The following KCNN3 variants were observed in gnomAD, a reference collection of about 807,000 sequenced individuals.
KCNN3 encodes small conductance calcium-activated potassium channel protein 3.
KCNN3 carries 16 observed loss-of-function variants against 62.9 expected under a neutral mutation model. The ratio of observed to expected loss-of-function variants is 0.25; its 90% confidence interval spans 0.17 to 0.39. KCNN3 has a LOEUF of 0.39. Ranked by LOEUF, KCNN3 falls within the 10% of genes least tolerant of loss-of-function variation. The probability of loss-of-function intolerance (pLI) is 1.00; values close to 1 mark genes in which losing one functional copy is unlikely to be tolerated. For synonymous variants in KCNN3, 370 were observed against 389.2 expected (o/e 0.95, Z 0.58); for missense variants, 599 against 949.4 (o/e 0.63, Z 4.85).
At chr1:154,804,514 T>G (rs1450569102) in intron 2 of KCNN3, among the ~76,000 whole-genome samples, 1 of 152,188 alleles carries the variant, frequency 6.6e-6, no homozygotes, top group African/African-American at 2.4e-5. Flanking sequence ...CCTATTTGAC[T>G]CCTTCCCTTC....
At chr1:154,813,164 G>T (rs1190557186) in intron 2 of KCNN3, among the ~76,000 whole-genome samples, 5 of 151,648 alleles carry the variant, frequency 3.3e-5, no homozygotes, top group African/African-American at 1.2e-4. Flanking sequence ...TGGGCAGAGG[G>T]TTGCTGGGGT....
At chr1:154,861,519 A>G (rs918309345) in intron 1 of KCNN3, among the ~76,000 whole-genome samples, 1 of 151,872 alleles carries the variant, frequency 6.6e-6, no homozygotes, top group South Asian at 2.1e-4. Context: ...TCTATTCCCT[A>G]CACACTCTGC....
intron 3 of KCNN3, among the ~76,000 whole-genome samples, chr1:154,740,934 G>T (rs1231739114): frequency 1.3e-5 from 2 of 152,032 alleles, no homozygotes; most frequent in African/African-American, 4.8e-5. Flanking sequence ...TGTGTGCCTT[G>T]CCTTTTTCTC....
At chr1:154,791,191 C>T (rs906403356) in intron 2 of KCNN3, among the ~76,000 whole-genome samples, 41 of 146,712 alleles carry the variant, frequency 2.8e-4, no homozygotes, top group African/African-American at 7.6e-4. Context: ...ATCGCACCAC[C>T]GCACTCCAGC....
At chr1:154,849,676 G>A (rs1453339664) in intron 1 of KCNN3, among the ~76,000 whole-genome samples, 1 of 152,226 alleles carries the variant, frequency 6.6e-6, no homozygotes, top group Non-Finnish European at 1.5e-5. Flanking sequence ...CTTGGGAAAG[G>A]GTGAGGGAAC....
In KCNN3 at chr1:154,708,091, T is replaced by A; in HGVS notation, c.2081A>T (p.Glu694Val). 6.2e-7 allele frequency: 1 copy of A among 1,613,916 alleles called. No individual in the cohort carries two copies. Among genetic ancestry groups the A allele is most frequent in the Non-Finnish European group, 8.5e-7 (1 of 1,179,924 alleles). ...CACTGCCACGCTGACACCCCGGGCC[T>A]CGATGATGGCAGACAGGAGCTGCTG... The part of the protein sequence containing the change: ...QQQQLLSAII[E>V]ARGVSVAVGT... The change falls in exon 8 of 8, where the codon GAG becomes GTG. Residue 694 changes from glutamate (E) to valine (V), a missense_variant. Coordinates refer to ENST00000271915, the MANE Select transcript of KCNN3 (RefSeq NM_002249.6).
chr1:154,852,369 ATTTTTT>A (rs34939586), intron 1 of KCNN3, among the ~76,000 whole-genome samples: 1 of 136,562 alleles, frequency 7.3e-6, no homozygotes, highest in Non-Finnish European at 1.6e-5. Context: ...CACCCAGCTA[ATTTTTT>A]TTTTTTTTTT....
chr1:154,765,796 GT>G (rs199964273), intron 3 of KCNN3, among the ~76,000 whole-genome samples: 18 of 149,668 alleles, frequency 1.2e-4, no homozygotes, highest in East Asian at 9.8e-4. Context: ...GTTTTTTTTG[GT>G]TTTTTTTTGT....
At chr1:154,744,904 G>A (rs973725359) in intron 3 of KCNN3, among the ~76,000 whole-genome samples, 3 of 148,404 alleles carry the variant, frequency 2.0e-5, no homozygotes, top group African/African-American at 7.5e-5. Context: ...GCTTGTGCCA[G>A]TGGGTGAATT....
rs572788586 is a variant in KCNN3, at chr1:154,714,968, T to C, written c.1737A>G (p.Thr579=). 16 of 1,613,810 alleles carry C rather than the reference T, an allele frequency of 9.9e-6. No homozygotes were observed. In the South Asian group the frequency reaches 1.4e-4, roughly 14 times the overall value. Residue 579 remains threonine, a synonymous_variant, in exon 6 of 8, where the codon ACA becomes ACG. Coordinates refer to ENST00000271915, the MANE Select transcript of KCNN3 (RefSeq NM_002249.6). ...GCTTTGTGTGTTTATAGATTAACCA[T>C]GTTTCCCGAAGGACATTGGCTGCAG... ...KNAAANVLRE[T]WLIYKHTKLL...
intron 5 of KCNN3, among the ~76,000 whole-genome samples, chr1:154,723,107 G>T (rs1313717545): frequency 6.6e-6 from 1 of 152,184 alleles, no homozygotes; most frequent in Non-Finnish European, 1.5e-5. Flanking sequence ...GGCAGGCCAG[G>T]CATCCCCAGG....
chr1:154,763,025 G>A (rs1648092492), intron 3 of KCNN3, among the ~76,000 whole-genome samples: 1 of 152,112 alleles, frequency 6.6e-6, no homozygotes, highest in Non-Finnish European at 1.5e-5. Flanking sequence ...AGTAATGCCA[G>A]AGGGACTTAA....
chr1:154,789,644 C>T (rs1430760257), intron 2 of KCNN3, among the ~76,000 whole-genome samples: 1 of 152,130 alleles, frequency 6.6e-6, no homozygotes, highest in East Asian at 1.9e-4. Flanking sequence ...ATGACTTGCT[C>T]CTTCACACCT....
chr1:154,755,537 G>C (rs1263252793), intron 3 of KCNN3, among the ~76,000 whole-genome samples: 7 of 107,044 alleles, frequency 6.5e-5, no homozygotes, highest in Non-Finnish European at 1.2e-4. Context: ...GAAGAAGAAA[G>C]GAAAGGAAGG....
intron 1 of KCNN3, among the ~76,000 whole-genome samples, chr1:154,845,793 A>G (rs1207430643): frequency 2.6e-5 from 4 of 152,174 alleles, no homozygotes; most frequent in African/African-American, 7.2e-5. Context: ...ATCCTTCTGC[A>G]TGGGCCCCTT....
intron 3 of KCNN3, among the ~76,000 whole-genome samples, chr1:154,753,009 G>A (rs933907163): frequency 6.6e-6 from 1 of 152,100 alleles, no homozygotes; most frequent in Non-Finnish European, 1.5e-5. Flanking sequence ...TCTAATTTCT[G>A]AAATAATGAA....
At chr1:154,713,650 TGAACCTGGG>T in intron 6 of KCNN3, 117 bp from the exon 7 acceptor site, 1 of 804,514 alleles carries the variant, frequency 1.2e-6, no homozygotes, top group Non-Finnish European at 2.1e-6. Context: ...ATGGGGACCG[TGAACCTGGG>T]GAACAACTGA....
chr1:154,783,037 C>T (rs1649119336), intron 2 of KCNN3, among the ~76,000 whole-genome samples: 1 of 152,194 alleles, frequency 6.6e-6, no homozygotes, highest in Non-Finnish European at 1.5e-5. Flanking sequence ...ACGGTGAAAC[C>T]CCATCTCTAC....
intron 3 of KCNN3, among the ~76,000 whole-genome samples, chr1:154,748,941 G>A (rs534563843): frequency 2.0e-5 from 3 of 152,286 alleles, no homozygotes; most frequent in African/African-American, 7.2e-5. Context: ...GGCAGGGCCC[G>A]AGTGTGTGCT....
Sources: allele counts gnomAD v4.1 joint callset (sites outside exome capture counted in the v4.1 genomes callset), GRCh38; gene constraint gnomAD v4.1.1; transcripts MANE v1.5; gene names NCBI Gene and HGNC (gene_info 2026-07-23, HGNC 2026-07-21).